Variants in LRRC74A observed in about 807,000 individuals in gnomAD.
LRRC74A encodes leucine rich repeat containing 74A, also known as leucine-rich repeat-containing protein 74A.
LRRC74A carries 44 observed loss-of-function variants against 57.9 expected under a neutral mutation model. The ratio of observed to expected loss-of-function variants is 0.76; its 90% CI spans 0.60 to 0.98. The LOEUF (loss-of-function observed/expected upper bound fraction) is 0.98, where lower values mean the gene tolerates loss of function less well. Ranked by LOEUF, LRRC74A falls within the 50% of genes least tolerant of loss-of-function variation. The probability of loss-of-function intolerance (pLI) is 0.00; values close to 1 mark genes in which losing one functional copy is unlikely to be tolerated. For synonymous variants in LRRC74A, 211 were observed against 219.4 expected (o/e 0.96, Z 0.34); for missense variants, 572 against 574.0 (o/e 1.00, Z 0.04).
intron 11 of LRRC74A, among the ~76,000 whole-genome samples, chr14:76,864,893 A>G (rs565055221): frequency 3.9e-4 from 59 of 152,334 alleles, no homozygotes; most frequent in African/African-American, 1.4e-3. Context: ...TTATAATGAC[A>G]TTGAAAAGGT....
intron 10 of LRRC74A, among the ~76,000 whole-genome samples, chr14:76,859,818 G>A (rs932362697): frequency 1.3e-5 from 2 of 151,908 alleles, no homozygotes; most frequent in African/African-American, 4.8e-5. Flanking sequence ...TGGGATTACA[G>A]GCACCCACTA....
In LRRC74A at chr14:76,827,786, C is replaced by T. The variant is rs573962715; in HGVS notation, c.38-505C>T. The stretch of plus-strand genomic sequence containing the variant: ...AAGTCAAATTCTTAGGAATCAAGTT[C>T]TCTCTCTTGCTCTCTGGAACTGCTC... On this transcript the variant is annotated intron_variant, in intron 1 of 13. Transcript: ENST00000689127. Among the ~76,000 whole-genome samples the T allele has an allele frequency of 3.7e-4, 57 of 152,292 alleles. 2 individuals are homozygous for T. The South Asian group carries it at 0.011, about 28-fold the overall frequency.
Position 76,844,890 on chromosome 14 carries a change from G to T in LRRC74A, c.665G>T (p.Gly222Val), listed in dbSNP as rs1897018374. ...TCTGATGTAGGAGGGGAGCACCTGG[G>T]CCAGATGCTGGGTGAGTCTCCCTGG... ...QFSDVGGEHL[G>V]QMLAINVGLT... is the part of the protein sequence containing the mutation. The change falls in exon 7 of 14, where the codon GGC (glycine) becomes GTC (valine). Residue 222 changes from glycine (G) to valine (V), a missense_variant. Transcript: ENST00000689127. 2 of 1,569,312 alleles carry T rather than the reference G, an allele frequency of 1.3e-6. No individual in the cohort carries two copies. The highest frequency in any genetic ancestry group is 1.4e-5 in the African/African-American group (1 of 74,056).
chr14:76,857,683 G>A (rs1221295835), intron 10 of LRRC74A, among the ~76,000 whole-genome samples: 1 of 152,138 alleles, frequency 6.6e-6, no homozygotes, highest in Non-Finnish European at 1.5e-5. Context: ...ACATCATAGT[G>A]AGAAATAATT....
At chr14:76,854,393 A>G (rs77376972) in intron 9 of LRRC74A, among the ~76,000 whole-genome samples, 8,953 of 152,292 alleles carry the variant, frequency 0.059, 314 homozygotes, top group African/African-American at 0.08. Flanking sequence ...GGATCGCTTG[A>G]GGTCACCAGT....
chr14:76,850,639 G>T (rs983052032), intron 7 of LRRC74A, among the ~76,000 whole-genome samples: 2 of 152,020 alleles, frequency 1.3e-5, no homozygotes, highest in African/African-American at 4.8e-5. Flanking sequence ...GTCCGAGGCG[G>T]GTGGATCACC....
At chr14:76,844,777 A>G in intron 6 of LRRC74A, 43 bp from the exon 7 acceptor site, 1 of 1,091,206 alleles carries the variant, frequency 9.2e-7, no homozygotes. Context: ...ATTTGCAATC[A>G]GAAGACAAAA....
At chr14:76,862,136 G>A (rs141731114) in intron 11 of LRRC74A, among the ~76,000 whole-genome samples, 10 of 152,296 alleles carry the variant, frequency 6.6e-5, no homozygotes, top group Non-Finnish European at 1.5e-4. Flanking sequence ...AAAGAATCTT[G>A]GAGACCAAAC....
chr14:76,854,281 A>T (rs1897727468), intron 9 of LRRC74A, among the ~76,000 whole-genome samples: 1 of 152,156 alleles, frequency 6.6e-6, no homozygotes, highest in South Asian at 2.1e-4. Context: ...CTCGCCTGTC[A>T]TCCCCTCAAA....
intron 11 of LRRC74A, among the ~76,000 whole-genome samples, chr14:76,863,049 A>G (rs765551099): frequency 2.6e-5 from 4 of 152,130 alleles, no homozygotes; most frequent in Non-Finnish European, 5.9e-5. Context: ...CTATTGTAGC[A>G]CTCTAGATGT....
chr14:76,837,587 C>G (rs952535410), intron 4 of LRRC74A, among the ~76,000 whole-genome samples: 1 of 152,194 alleles, frequency 6.6e-6, no homozygotes, highest in Non-Finnish European at 1.5e-5. Context: ...TTATCTGAAG[C>G]ACCAAGGCTA....
chr14:76,827,177 C>T (rs8020289), intron 1 of LRRC74A, among the ~76,000 whole-genome samples: 44,117 of 152,026 alleles, frequency 0.29, 6,628 homozygotes, highest in South Asian at 0.43. Context: ...AAATTCATCA[C>T]TTTTCTAAGG....
rs772214844 is a variant in LRRC74A, at chr14:76,844,857, A to G, written c.632A>G (p.Asn211Ser). The G allele has an allele frequency of 2.5e-6, 4 of 1,597,288 alleles. No individual in the cohort carries two copies. The stretch of plus-strand genomic sequence containing the variant: ...ATTAAAAAGCTGGATCTCAGTCACA[A>G]CCAATTCTCTGATGTAGGAGGGGAG... ...YQIKKLDLSHNQFSDVGGEHL... is the reference protein window; with the variant it reads ...YQIKKLDLSHSQFSDVGGEHL... The change falls in exon 7 of 14, where the codon AAC (asparagine) becomes AGC (serine). Residue 211 changes from asparagine to serine, a missense_variant. Transcript: ENST00000689127.
At chr14:76,826,944 A>T (rs1895618625) in intron 1 of LRRC74A, among the ~76,000 whole-genome samples, 1 of 152,230 alleles carries the variant, frequency 6.6e-6, no homozygotes, top group Non-Finnish European at 1.5e-5. Flanking sequence ...TACTGGCTCT[A>T]GCCAGCTTTA....
chr14:76,866,594 G>A (rs1898814470), intron 12 of LRRC74A, among the ~76,000 whole-genome samples: 1 of 152,094 alleles, frequency 6.6e-6, no homozygotes, highest in Non-Finnish European at 1.5e-5. Context: ...AAGTTCCCGG[G>A]GCCCAGGCAG....
intron 9 of LRRC74A, among the ~76,000 whole-genome samples, chr14:76,853,746 T>TTTTTGTTTTG (rs999502196): frequency 6.6e-6 from 1 of 151,980 alleles, no homozygotes; most frequent in Admixed American, 6.6e-5. Flanking sequence ...CGGAGTGTGC[T>TTTTTGTTTTG]TTTTGTTTTG....
intron 11 of LRRC74A, among the ~76,000 whole-genome samples, chr14:76,862,541 A>C (rs979147201): frequency 1.3e-5 from 2 of 152,176 alleles, no homozygotes; most frequent in Admixed American, 1.3e-4. Context: ...TGTCTCAAAA[A>C]AAAAAAAAGT....
In LRRC74A at chr14:76,838,024, A is replaced by AG; in HGVS notation, c.544+57dup. The AG allele has an allele frequency of 6.6e-6, 8 of 1,216,028 alleles. 1 individual carries two copies. The South Asian group carries it at 1.1e-4, about 16-fold the overall frequency. 75.3% of individuals were successfully genotyped at this position (1,216,028 alleles called of 1,614,324 possible). On this transcript the variant is annotated intron_variant, in intron 5 of 13. Coordinates refer to ENST00000689127, the MANE Select transcript of LRRC74A (RefSeq NM_001385106.1). ...ACACTGGGAATCAGAGGGAGGGAAG[A>AG]GGGGAAAAACAGAGAATTCAATGTC...
chr14:76,852,492 G>A, intron 8 of LRRC74A, 42 bp downstream of exon 8: 1 of 1,457,492 alleles, frequency 6.9e-7, no homozygotes, highest in Non-Finnish European at 9.5e-7. Flanking sequence ...CCCAGTTGAG[G>A]ACAGCCAGGG....
Sources: allele counts gnomAD v4.1 joint callset (sites outside exome capture counted in the v4.1 genomes callset), GRCh38; gene constraint gnomAD v4.1.1; transcripts MANE v1.5; gene names NCBI Gene and HGNC (gene_info 2026-07-23, HGNC 2026-07-21).